LTN1: variants seen among roughly 807,000 people sequenced by gnomAD.
LTN1 encodes listerin E3 ubiquitin protein ligase 1.
Under a neutral mutation model 201.2 loss-of-function variants are expected in LTN1, and 88 were observed. The observed-to-expected ratio is 0.44, with a 90% confidence interval of 0.37 to 0.52. LTN1 has a LOEUF of 0.52. LTN1 is among the 20% of genes least tolerant of loss of function. The pLI, the probability that LTN1 is intolerant of heterozygous loss-of-function variation, is 0.00. For synonymous variants in LTN1, 645 were observed against 713.5 expected (o/e 0.90, Z 1.53); for missense variants, 1,752 against 2,038.7 (o/e 0.86, Z 2.71).
chr21:28,956,870 T>A lies in LTN1; in HGVS notation c.2971A>T (p.Ile991Leu), dbSNP rs1406758273. ...CACAAATGGCTGGGAAGTGTCTTTA[T>A]GTCCTGTTCCTTAAAATCTGTTTTG... Reference protein sequence around the residue: ...CFKTDFKEQDIKTLPSHLCTS... With the variant: ...CFKTDFKEQDLKTLPSHLCTS... The change falls in exon 16 of 30, where the codon ATA (isoleucine) becomes TTA (leucine). Residue 991 changes from isoleucine (I) to leucine (L), a missense_variant. Coordinates refer to ENST00000361371, the MANE Select transcript of LTN1 (RefSeq NM_015565.3). The A allele has an allele frequency of 3.7e-6, 6 of 1,612,032 alleles. No homozygotes were observed. The highest frequency in any genetic ancestry group is 3.3e-4 in the Middle Eastern group (2 of 6,054).
intron 6 of LTN1, among the ~76,000 whole-genome samples, chr21:28,976,041 T>A (rs61121465): frequency 0.1 from 15,701 of 151,832 alleles, 1,120 homozygotes; most frequent in East Asian, 0.33. Context: ...TAATCTGTAG[T>A]GATGGGAGGC....
rs527453087 is a variant in LTN1, at chr21:28,968,290, CTATAGGCAAATCTAA to C, written c.1312-1126_1312-1112del. On this transcript the variant is annotated intron_variant, in intron 9 of 29. Coordinates refer to ENST00000361371, the MANE Select transcript of LTN1 (RefSeq NM_015565.3). Reference sequence around the variant, plus strand: ...TAAGTGTTTTGCTTTTCTGCCTTAACTATAGGCAAATCTAAGATATGAGACTATAAGTCAACATGA... The same window carrying C: ...TAAGTGTTTTGCTTTTCTGCCTTAACGATATGAGACTATAAGTCAACATGA... Among the ~76,000 whole-genome samples, 27 of 152,234 alleles carry C rather than the reference CTATAGGCAAATCTAA, an allele frequency of 1.8e-4. No individual in the cohort carries two copies. In the South Asian group the frequency reaches 5.6e-3, roughly 32 times the overall value.
intron 24 of LTN1, 71 bp from the exon 25 acceptor site, chr21:28,941,477 A>G (rs2084297372): frequency 1.6e-6 from 2 of 1,235,422 alleles, no homozygotes; most frequent in Admixed American, 2.5e-5. Context: ...CAGTACTTGT[A>G]AACTTCAAGC....
chr21:28,990,665 C>T (rs1325502100), intron 1 of LTN1, among the ~76,000 whole-genome samples: 1 of 152,032 alleles, frequency 6.6e-6, no homozygotes, highest in Non-Finnish European at 1.5e-5. Flanking sequence ...TGCGAAGTGC[C>T]CCTGGTGTGT....
chr21:28,990,396 GA>G (rs1803594129), intron 1 of LTN1, among the ~76,000 whole-genome samples: 1 of 152,164 alleles, frequency 6.6e-6, no homozygotes, highest in African/African-American at 2.4e-5. Context: ...CATTTAAAAT[GA>G]GATATGAGTA....
chr21:28,988,338 G>C (rs148167920), intron 1 of LTN1, among the ~76,000 whole-genome samples: 6 of 151,326 alleles, frequency 4.0e-5, no homozygotes, highest in African/African-American at 1.2e-4. Context: ...GTGGTGGCAT[G>C]TGCCTGTAAT....
At chr21:28,991,614 C>T (rs62224019) in intron 1 of LTN1, among the ~76,000 whole-genome samples, 5,897 of 152,218 alleles carry the variant, frequency 0.039, 130 homozygotes, top group Middle Eastern at 0.12. Context: ...TTCTAATATT[C>T]TTGCAACTTT....
At chr21:28,958,312 T>C (rs2084443251) in intron 14 of LTN1, 74 bp downstream of exon 14, 5 of 1,410,764 alleles carry the variant, frequency 3.5e-6, no homozygotes, top group Non-Finnish European at 4.8e-6. Flanking sequence ...GCACTCACAC[T>C]GATCATGGAA....
chr21:28,933,166 C>T (rs2084225040), intron 27 of LTN1, among the ~76,000 whole-genome samples: 1 of 151,640 alleles, frequency 6.6e-6, no homozygotes, highest in South Asian at 2.1e-4. Context: ...TTACAAACTT[C>T]ATCTTCTGAA....
chr21:28,971,478 C>G, intron 6 of LTN1, 34 bp from the exon 7 acceptor site: 3 of 1,587,234 alleles, frequency 1.9e-6, no homozygotes, highest in Non-Finnish European at 2.6e-6. Context: ...AAATTAAAAC[C>G]TAGTAAAACT....
In LTN1 at chr21:28,944,661, A is replaced by G. The variant is rs533112078; in HGVS notation, c.3769-65T>C. The G allele has an allele frequency of 3.5e-4, 393 of 1,133,662 alleles. 3 individuals are homozygous for G. The South Asian group carries it at 5.5e-3, about 16-fold the overall frequency. 70.2% of individuals were successfully genotyped at this position (1,133,662 alleles called of 1,614,324 possible). ...TACCAGAACACTACAAATAAAGCCA[A>G]TATAAAGAAAAGCCCCACTTTCATT... is the stretch of plus-strand genomic sequence containing the variant. On this transcript the variant is annotated intron_variant, in intron 21 of 29. Coordinates refer to ENST00000361371, the MANE Select transcript of LTN1 (RefSeq NM_015565.3).
At chr21:28,992,357 G>C (rs1349257747) in intron 1 of LTN1, among the ~76,000 whole-genome samples, 1 of 152,128 alleles carries the variant, frequency 6.6e-6, no homozygotes, top group African/African-American at 2.4e-5. Context: ...GCCACTGTAG[G>C]TAGCAAAGGA....
intron 17 of LTN1, 112 bp downstream of exon 17, chr21:28,953,105 G>A: frequency 4.7e-6 from 3 of 634,408 alleles, no homozygotes; most frequent in Non-Finnish European, 7.8e-6. Flanking sequence ...GAATTATTTA[G>A]ATCAATCCTC....
At chr21:28,943,554 G>A in intron 23 of LTN1, 113 bp downstream of exon 23, 10 of 831,296 alleles carry the variant, frequency 1.2e-5, no homozygotes, top group Non-Finnish European at 1.9e-5. Context: ...AAGTGAAGCA[G>A]TCAGATCTCC....
At chr21:28,975,461 A>C (rs1170677065) in intron 6 of LTN1, among the ~76,000 whole-genome samples, 2 of 152,264 alleles carry the variant, frequency 1.3e-5, no homozygotes, top group Non-Finnish European at 2.9e-5. Context: ...TCCAGAGGTC[A>C]GTAAACATTT....
At chr21:28,961,882 G>A (rs887316673) in intron 11 of LTN1, among the ~76,000 whole-genome samples, 3 of 152,034 alleles carry the variant, frequency 2.0e-5, no homozygotes, top group Non-Finnish European at 2.9e-5. Flanking sequence ...ATAGTGGCAG[G>A]TGCCTATAAT....
chr21:28,970,115 A>G (rs1215132137), intron 8 of LTN1, among the ~76,000 whole-genome samples: 1 of 152,248 alleles, frequency 6.6e-6, no homozygotes, highest in African/African-American at 2.4e-5. Context: ...CAACAAATGT[A>G]CTGAAACAGT....
rs755606412 is a variant in LTN1, at chr21:28,986,225, A to G, written c.259T>C (p.Phe87Leu). 2 of 1,601,792 alleles carry G rather than the reference A, an allele frequency of 1.2e-6. No individual in the cohort carries two copies. Among genetic ancestry groups the G allele is most frequent in the South Asian group, 2.2e-5 (2 of 90,732 alleles). The change falls in exon 3 of 30, where the codon TTT becomes CTT. Residue 87 changes from phenylalanine to leucine, a missense_variant. Around this residue, in one of 3 missense-constraint regions of LTN1, gnomAD observed 280 missense variants for 375.7 expected, o/e 0.75. Transcript: ENST00000361371. This position sits in a 1 kb window ranked among gnomAD's most constrained non-coding sequence, Gnocchi z 4.1. ...VTTKLKAMQE[F>L]GTMCTERDTE... ...TCTCTCTCTGTACACATGGTTCCAA[A>G]TTCCTGCATAGCCTAAAAGTAAGTT...
At chr21:28,991,226 C>T (rs1351002957) in intron 1 of LTN1, among the ~76,000 whole-genome samples, 1 of 149,878 alleles carries the variant, frequency 6.7e-6, no homozygotes, top group Non-Finnish European at 1.5e-5. Context: ...AAGAGGTTGA[C>T]ACTGCAGTGG....
Sources: allele counts gnomAD v4.1 joint callset (sites outside exome capture counted in the v4.1 genomes callset), GRCh38; gene constraint gnomAD v4.1.1; regional missense constraint gnomAD v4.1.1; non-coding constraint Gnocchi (gnomAD v3.1); transcripts MANE v1.5; gene names NCBI Gene and HGNC (gene_info 2026-07-23, HGNC 2026-07-21).